The following ADAM9 variants were observed in gnomAD, a reference collection of about 807,000 sequenced individuals.
ADAM9 encodes the protein ADAM metallopeptidase domain 9.
ADAM9 carries 54 observed loss-of-function variants against 108.1 expected under a neutral mutation model. That is an observed-to-expected ratio of 0.50 (90% CI 0.40 to 0.63). The LOEUF (loss-of-function observed/expected upper bound fraction) is 0.63. Ranked by LOEUF, ADAM9 falls within the 20% of genes least tolerant of loss-of-function variation. The pLI, the probability that ADAM9 is intolerant of heterozygous loss-of-function variation, is 0.00. For synonymous variants in ADAM9, 316 were observed against 336.0 expected (o/e 0.94, Z 0.65); for missense variants, 830 against 997.7 (o/e 0.83, Z 2.26).
chr8:39,004,951 G>T (rs959433827), intron 1 of ADAM9, among the ~76,000 whole-genome samples: 1 of 152,184 alleles, frequency 6.6e-6, no homozygotes, highest in Non-Finnish European at 1.5e-5. Context: ...TCTGTGACTT[G>T]TATCTTGTAC....
rs1172378966 is a variant in ADAM9, at chr8:39,104,280, ATAT to A, written c.*585_*587del. The A allele has an allele frequency of 2.2e-6, 1 of 452,740 alleles. No individual in the cohort carries two copies. Among genetic ancestry groups the A allele is most frequent in the Non-Finnish European group, 4.4e-6 (1 of 225,838 alleles). 28.0% of individuals were successfully genotyped at this position (452,740 alleles called of 1,614,324 possible). A position where few individuals can be genotyped will look rare whatever the true frequency, so the allele number is the denominator to read the frequency against. ...GCACAAGAACCACAATTAAGATGTC[ATAT>A]TATTTTGAAAGTACAAAATATACTA... On this transcript the variant is annotated 3_prime_UTR_variant, in exon 22 of 22. Coordinates refer to ENST00000487273, the MANE Select transcript of ADAM9 (RefSeq NM_003816.3).
intron 11 of ADAM9, among the ~76,000 whole-genome samples, chr8:39,029,834 A>G (rs933512900): frequency 7.9e-5 from 12 of 151,934 alleles, no homozygotes; most frequent in Admixed American, 3.3e-4. Flanking sequence ...TTGACTTACA[A>G]TTTTCTTTTC....
chr8:39,031,293 G>T (rs1564272211), intron 11 of ADAM9, among the ~76,000 whole-genome samples: 1 of 152,292 alleles, frequency 6.6e-6, no homozygotes, highest in East Asian at 1.9e-4. Context: ...ATATCTAATT[G>T]TAGCAGCACC....
At chr8:39,091,128 C>A in intron 19 of ADAM9, 131 bp from the exon 20 acceptor site, 1 of 849,700 alleles carries the variant, frequency 1.2e-6, no homozygotes, top group Non-Finnish European at 2.0e-6. Context: ...AAATTTAAAC[C>A]GTATCATGAT....
intron 1 of ADAM9, among the ~76,000 whole-genome samples, chr8:39,002,240 T>C (rs1477264204): frequency 1.3e-5 from 2 of 151,820 alleles, no homozygotes; most frequent in African/African-American, 4.8e-5. Context: ...AGTGGCTGTT[T>C]GTTTATGTAG....
At chr8:39,016,526 CTTA>C (rs1171428802) in intron 5 of ADAM9, among the ~76,000 whole-genome samples, 1 of 151,980 alleles carries the variant, frequency 6.6e-6, no homozygotes, top group Non-Finnish European at 1.5e-5. Flanking sequence ...GTATTTAAGT[CTTA>C]TTATGACTGT....
In ADAM9 at chr8:39,104,052, G is replaced by A. The variant is rs992636098; in HGVS notation, c.*352G>A. On this transcript the variant is annotated 3_prime_UTR_variant, in exon 22 of 22. Coordinates refer to ENST00000487273, the MANE Select transcript of ADAM9 (RefSeq NM_003816.3). ...AAGAGTTTTGTCATTAAGTGTTTAA[G>A]TGTTATTCTGAATTTTCTACCTTAG... 6.3e-6 allele frequency: 3 copies of A among 477,136 alleles called. No homozygotes were observed. Among genetic ancestry groups the A allele is most frequent in the African/African-American group, 2.0e-5 (1 of 51,168 alleles). 29.6% of individuals were successfully genotyped at this position (477,136 alleles called of 1,614,324 possible).
intron 18 of ADAM9, among the ~76,000 whole-genome samples, chr8:39,088,077 T>A (rs1282508707): frequency 6.6e-6 from 1 of 152,130 alleles, no homozygotes; most frequent in Admixed American, 6.5e-5. Flanking sequence ...CATAAAGACC[T>A]TCATCCTCAT....
intron 16 of ADAM9, among the ~76,000 whole-genome samples, chr8:39,077,617 T>C (rs940745260): frequency 5.3e-5 from 8 of 152,200 alleles, no homozygotes; most frequent in African/African-American, 1.9e-4. Context: ...ACCAGTGTTT[T>C]CCACTTTGCA....
rs568510327 is a variant in ADAM9, at chr8:39,087,779, A to G, written c.2069-2268A>G. ...AAAATGATATATGAAGCTTGCTTTA[A>G]TTTTTTATACAGTTGACCGTTGAAC... is the stretch of plus-strand genomic sequence containing the variant. On this transcript the variant is annotated intron_variant, in intron 18 of 21. Coordinates refer to ENST00000487273, the MANE Select transcript of ADAM9 (RefSeq NM_003816.3). 7.9e-5 allele frequency among the ~76,000 whole-genome samples: 12 copies of G among 152,264 alleles called. No homozygotes were observed. The South Asian group carries it at 2.3e-3, about 29-fold the overall frequency.
chr8:39,101,800 C>G, intron 20 of ADAM9, 63 bp from the exon 21 acceptor site: 1 of 1,257,938 alleles, frequency 7.9e-7, no homozygotes, highest in South Asian at 1.3e-5. Flanking sequence ...TAGATTTCTT[C>G]TATTTAGAAA....
intron 12 of ADAM9, among the ~76,000 whole-genome samples, chr8:39,042,704 A>G (rs1265886706): frequency 6.6e-6 from 1 of 152,170 alleles, no homozygotes; most frequent in Non-Finnish European, 1.5e-5. Context: ...TACAGTATAC[A>G]GTAGGTACAT....
At chr8:39,045,437 C>CGTGTGTGTACACACCTATATGT (rs1564301845) in intron 12 of ADAM9, among the ~76,000 whole-genome samples, 5 of 104,196 alleles carry the variant, frequency 4.8e-5, no homozygotes, top group Admixed American at 2.7e-4. Flanking sequence ...CCTATATGTG[C>CGTGTGTGTACACACCTATATGT]GCGTGTGTAC....
At chr8:39,038,855 G>A (rs1395403368) in intron 11 of ADAM9, among the ~76,000 whole-genome samples, 1 of 152,110 alleles carries the variant, frequency 6.6e-6, no homozygotes, top group Non-Finnish European at 1.5e-5. Context: ...TTTTGTCTTT[G>A]CCTATTCTTT....
At chr8:38,997,425 C>A (rs913622181) in intron 1 of ADAM9, among the ~76,000 whole-genome samples, 1 of 152,158 alleles carries the variant, frequency 6.6e-6, no homozygotes, top group Non-Finnish European at 1.5e-5. Flanking sequence ...AGCGTCCCCC[C>A]ATCCCTCGCC....
In ADAM9 at chr8:39,077,306, A is replaced by G. The variant is rs761588498; in HGVS notation, c.1776A>G (p.Gln592=). The G allele has an allele frequency of 8.1e-6, 13 of 1,614,044 alleles. No individual in the cohort carries two copies. Among genetic ancestry groups the G allele is most frequent in the African/African-American group, 1.3e-5 (1 of 74,934 alleles). Residue 592 remains glutamine (Q), a synonymous_variant, in exon 16 of 22, where the codon CAA becomes CAG. Transcript: ENST00000487273. ...PVFGIVPAII[Q]TPSRGTKCWG... Reference sequence around the variant, plus strand: ...TTGGAATTGTGCCTGCTATTATTCAAACGCCTAGTCGAGGCACCAAATGTT... The same window carrying G: ...TTGGAATTGTGCCTGCTATTATTCAGACGCCTAGTCGAGGCACCAAATGTT...
chr8:39,047,962 C>A (rs1837827739), intron 12 of ADAM9, among the ~76,000 whole-genome samples: 1 of 149,828 alleles, frequency 6.7e-6, no homozygotes, highest in African/African-American at 2.5e-5. Flanking sequence ...ACTGTGTTGT[C>A]CAGGCTGGAG....
intron 9 of ADAM9, 140 bp downstream of exon 9, chr8:39,023,465 A>T (rs948191454): frequency 2.4e-6 from 2 of 845,888 alleles, no homozygotes; most frequent in African/African-American, 1.7e-5. Flanking sequence ...ATGTGGCATT[A>T]TCATGAGACC....
At chr8:39,062,253 G>A (rs1455658487) in intron 14 of ADAM9, among the ~76,000 whole-genome samples, 1 of 152,174 alleles carries the variant, frequency 6.6e-6, no homozygotes, top group Non-Finnish European at 1.5e-5. Context: ...ATGATTAATA[G>A]TATAAATTTT....
Sources: gnomAD v4.1 joint callset for allele counts (sites outside exome capture counted in the v4.1 genomes callset) on GRCh38, gnomAD v4.1.1 for gene constraint, MANE v1.5 for transcripts, NCBI Gene and HGNC (gene_info 2026-07-23, HGNC 2026-07-21) for gene names.